Variants in HERC2 observed in about 807,000 individuals in gnomAD.
HERC2 encodes HECT and RLD domain containing E3 ubiquitin protein ligase 2.
Under a neutral mutation model 537.7 loss-of-function variants are expected in HERC2, and 102 were observed. The observed-to-expected ratio is 0.19, with a 90% CI of 0.16 to 0.22. The LOEUF is 0.22. HERC2 is among the 10% of genes least tolerant of loss of function. The pLI, the probability that HERC2 is intolerant of heterozygous loss-of-function variation, is 1.00. For synonymous variants in HERC2, 2,224 were observed against 2,466.2 expected (o/e 0.90, Z 2.91); for missense variants, 4,236 against 6,198.2 (o/e 0.68, Z 10.63).
At chr15:28,306,184 A>G (rs1448429651) in intron 2 of HERC2, among the ~76,000 whole-genome samples, 1 of 152,224 alleles carries the variant, frequency 6.6e-6, no homozygotes, top group Non-Finnish European at 1.5e-5. Flanking sequence ...TTCACCTTTC[A>G]GTATGATACT....
intron 23 of HERC2, among the ~76,000 whole-genome samples, chr15:28,242,345 C>G (rs917711577): frequency 3.9e-5 from 6 of 152,186 alleles, no homozygotes; most frequent in Non-Finnish European, 8.8e-5. Flanking sequence ...GGAACATTCT[C>G]CTACTCACTC....
intron 88 of HERC2, 38 bp downstream of exon 88, chr15:28,116,627 G>C (rs1432776243): frequency 6.4e-7 from 1 of 1,561,948 alleles, no homozygotes; most frequent in South Asian, 1.2e-5. Context: ...GCAGGCACAG[G>C]CCACAGCGAC....
In HERC2 at chr15:28,198,582, G is replaced by A. The variant is rs746202811; in HGVS notation, c.7885+19C>T. On this transcript the variant is annotated intron_variant, in intron 49 of 92. Transcript: ENST00000261609. The stretch of plus-strand genomic sequence containing the variant: ...GTCTCTAAGAAAAAACAAAAGCACT[G>A]AACAAAGAATGTGCTCACCTATAAG... 5.5e-5 allele frequency: 88 copies of A among 1,610,354 alleles called. No individual in the cohort carries two copies. The highest frequency in any genetic ancestry group is 1.7e-4 in the Middle Eastern group (1 of 6,050).
intron 45 of HERC2, 23 bp from the exon 46 acceptor site, chr15:28,202,637 G>A (rs1290922956): frequency 3.8e-6 from 2 of 525,306 alleles, no homozygotes; most frequent in African/African-American, 6.9e-5. Flanking sequence ...GAGGGTCCTG[G>A]GAGATTTGGG....
chr15:28,318,676 T>C (rs1355807134), intron 2 of HERC2, among the ~76,000 whole-genome samples: 1 of 152,020 alleles, frequency 6.6e-6, no homozygotes, highest in African/African-American at 2.4e-5. Flanking sequence ...TAACCACATA[T>C]ATATGCCTGG....
chr15:28,242,249 G>A (rs1366297747), intron 23 of HERC2, among the ~76,000 whole-genome samples: 9 of 152,172 alleles, frequency 5.9e-5, no homozygotes, highest in African/African-American at 2.2e-4. Context: ...ATTAAACAAT[G>A]TGAATGTATT....
In HERC2 at chr15:28,213,937, G is replaced by T; in HGVS notation, c.6591C>A (p.Asn2197Lys). ...CTGCCATGAGGCCCCCCACTTCAGGGTTCTCGGAGTCGGGGAAGTAGTCCT... is the reference window on the plus strand; with the variant it reads ...CTGCCATGAGGCCCCCCACTTCAGGTTTCTCGGAGTCGGGGAAGTAGTCCT... ...QLEDYFPDSE[N>K]PEVGGLMAVL... Residue 2197 changes from asparagine (N) to lysine (K), a missense_variant, in exon 42 of 93, where the codon AAC (asparagine) becomes AAA (lysine). Asn to Lys is a moderately conservative substitution (Grantham distance 94). Coordinates refer to ENST00000261609, the MANE Select transcript of HERC2 (RefSeq NM_004667.6). The T allele has an allele frequency of 6.2e-7, 1 of 1,614,110 alleles. No homozygotes were observed. Among genetic ancestry groups the T allele is most frequent in the African/African-American group, 1.3e-5 (1 of 75,050 alleles).
chr15:28,274,826 TG>T, intron 6 of HERC2, 78 bp downstream of exon 6: 2 of 1,088,160 alleles, frequency 1.8e-6, no homozygotes, highest in Non-Finnish European at 1.4e-6. Context: ...AAAGGGCACA[TG>T]GTGGCTGAAC....
intron 3 of HERC2, among the ~76,000 whole-genome samples, chr15:28,295,134 C>A (rs1385604081): frequency 6.6e-6 from 1 of 152,114 alleles, no homozygotes; most frequent in Non-Finnish European, 1.5e-5. Context: ...AACAAAGACA[C>A]AGACCAAGAG....
At chr15:28,129,090 C>T (rs556978390) in intron 83 of HERC2, among the ~76,000 whole-genome samples, 255 of 152,332 alleles carry the variant, frequency 1.7e-3, no homozygotes, top group Non-Finnish European at 3.2e-3. Context: ...AGCTGACTCA[C>T]AAACTTCATT....
At chr15:28,204,194 CAA>C (rs1898163255) in intron 45 of HERC2, among the ~76,000 whole-genome samples, 1 of 152,070 alleles carries the variant, frequency 6.6e-6, no homozygotes. Context: ...ATGTGAAGGA[CAA>C]CAACCAATAA....
rs1271298178 is a variant in HERC2 at position 28,226,092 on chromosome 15, C to CT, written c.5464+2125dup. Among the ~76,000 whole-genome samples, 10 of 152,270 alleles carry CT rather than the reference C, an allele frequency of 6.6e-5. No homozygotes were observed. The East Asian group carries it at 1.9e-3, about 29-fold the overall frequency. On this transcript the variant is annotated intron_variant, in intron 35 of 92. Coordinates refer to ENST00000261609, the MANE Select transcript of HERC2 (RefSeq NM_004667.6). ...TTCATTCTATGAGGCCATTATTACC[C>CT]TGATAACTGTAAAACAATAAAATAC...
intron 71 of HERC2, among the ~76,000 whole-genome samples, chr15:28,145,232 C>A (rs1008888352): frequency 1.3e-5 from 2 of 152,260 alleles, no homozygotes; most frequent in African/African-American, 4.8e-5. Flanking sequence ...GCTCTCCCAA[C>A]AAAAGGCCTA....
intron 2 of HERC2, among the ~76,000 whole-genome samples, chr15:28,319,656 ATTAAAC>A (rs1299070926): frequency 6.6e-6 from 1 of 150,508 alleles, no homozygotes; most frequent in Non-Finnish European, 1.5e-5. Context: ...AGTACTGTGT[ATTAAAC>A]TTAATAAATC....
intron 3 of HERC2, among the ~76,000 whole-genome samples, chr15:28,296,689 TAAAA>T (rs4035974): frequency 3.5e-5 from 4 of 115,244 alleles, no homozygotes; most frequent in Admixed American, 8.6e-5. Context: ...TACTGATACA[TAAAA>T]AAAAAAAAAA....
At chr15:28,204,305 A>G (rs1411216843) in intron 45 of HERC2, among the ~76,000 whole-genome samples, 2 of 152,188 alleles carry the variant, frequency 1.3e-5, no homozygotes, top group African/African-American at 4.8e-5. Flanking sequence ...AACTATCAGA[A>G]ATATGTTTTA....
At position 28,272,962 on chromosome 15, in the gene HERC2, G is replaced by T; in HGVS notation, c.843C>A (p.Ile281=). Residue 281 remains isoleucine, a synonymous_variant, in exon 8 of 93, where the codon ATC becomes ATA. Coordinates refer to ENST00000261609, the MANE Select transcript of HERC2 (RefSeq NM_004667.6). ...GGGCCAAGTGCTGGTCCTGCAGGGGGATGCTTCCTGGCCCTTTGGTGGCTG... is the reference window on the plus strand; with the variant it reads ...GGGCCAAGTGCTGGTCCTGCAGGGGTATGCTTCCTGGCCCTTTGGTGGCTG... ...GTPATKGPGS[I]PLQDQHLALA... 1.2e-6 allele frequency: 2 copies of T among 1,612,512 alleles called. No individual in the cohort carries two copies. Among genetic ancestry groups the T allele is most frequent in the East Asian group, 2.2e-5 (1 of 44,884 alleles).
chr15:28,173,122 T>C (rs912761239), intron 65 of HERC2, among the ~76,000 whole-genome samples: 1 of 152,186 alleles, frequency 6.6e-6, no homozygotes, highest in Non-Finnish European at 1.5e-5. Flanking sequence ...ATGTGGAGGA[T>C]GTGGACCTCT....
At chr15:28,274,519 C>T (rs1038141412) in intron 6 of HERC2, 72 bp from the exon 7 acceptor site, 33 of 1,465,106 alleles carry the variant, frequency 2.3e-5, no homozygotes, top group Middle Eastern at 2.3e-4. Flanking sequence ...CACCCCTCAG[C>T]GAGAGATGAC....
Sources: allele counts gnomAD v4.1 joint callset (sites outside exome capture counted in the v4.1 genomes callset), GRCh38; gene constraint gnomAD v4.1.1; transcripts MANE v1.5; gene names NCBI Gene and HGNC (gene_info 2026-07-23, HGNC 2026-07-21).